The following DDAH1 variants were observed in gnomAD, a reference collection of about 807,000 sequenced individuals.
DDAH1 encodes the protein dimethylarginine dimethylaminohydrolase 1.
In DDAH1, 19 loss-of-function variants were observed where a neutral mutation model predicts 28.8. That is an observed-to-expected ratio of 0.66 (90% CI 0.46 to 0.97). DDAH1 has a LOEUF of 0.97. Among genes scored for constraint, DDAH1 ranks in the 50% least tolerant of loss-of-function variants. DDAH1 has a pLI of 0.00. For synonymous variants in DDAH1, 153 were observed against 154.4 expected, an observed-to-expected ratio of 0.99 and a Z score of 0.07; for missense variants, 326 against 375.9, an observed-to-expected ratio of 0.87 and a Z score of 1.10.
In DDAH1 at chr1:85,319,700, T is replaced by C. The variant is rs1661242446; in HGVS notation, c.*1752A>G. 1 of 152,228 alleles carries C rather than the reference T, an allele frequency of 6.6e-6. No individual in the cohort carries two copies. The highest frequency in any genetic ancestry group is 1.5e-5 in the Non-Finnish European group (1 of 68,036). 9.4% of individuals were successfully genotyped at this position (152,228 alleles called of 1,614,324 possible). On this transcript the variant is annotated 3_prime_UTR_variant, in exon 6 of 6. Coordinates refer to ENST00000284031, the MANE Select transcript of DDAH1 (RefSeq NM_012137.4). Reference sequence around the variant, plus strand: ...ATGACAGTGACCAAGACGTGGTTTATTCACAGGATGCACATAATTGGATAT... The same window carrying C: ...ATGACAGTGACCAAGACGTGGTTTACTCACAGGATGCACATAATTGGATAT...
chr1:85,562,215 C>T (rs917211916), intron 1 of DDAH1, among the ~76,000 whole-genome samples: 2 of 151,668 alleles, frequency 1.3e-5, no homozygotes, highest in African/African-American at 4.8e-5. Context: ...ATGCAACAAT[C>T]TCACTGTATT....
At chr1:85,473,240 A>G (rs1655678356) in intron 2 of DDAH1, among the ~76,000 whole-genome samples, 1 of 152,066 alleles carries the variant, frequency 6.6e-6, no homozygotes, top group African/African-American at 2.4e-5. Flanking sequence ...GTAGAAGGGG[A>G]TTGGGATTGC....
intron 1 of DDAH1, among the ~76,000 whole-genome samples, chr1:85,431,960 A>G (rs1653706333): frequency 3.3e-5 from 5 of 152,220 alleles, no homozygotes; most frequent in South Asian, 4.1e-4. Flanking sequence ...ATACCAAATG[A>G]GTACAATCTA....
intron 2 of DDAH1, among the ~76,000 whole-genome samples, chr1:85,482,122 A>G (rs1481192321): frequency 6.6e-6 from 1 of 152,186 alleles, no homozygotes; most frequent in Non-Finnish European, 1.5e-5. Context: ...ATGTGCATAG[A>G]TTACCTATAA....
chr1:85,413,769 G>A (rs1300745069), intron 1 of DDAH1, among the ~76,000 whole-genome samples: 2 of 152,156 alleles, frequency 1.3e-5, no homozygotes, highest in Non-Finnish European at 2.9e-5. Context: ...GCAGAGTGAG[G>A]ATGAGTAAAG....
At chr1:85,423,529 C>G (rs773586183) in intron 1 of DDAH1, among the ~76,000 whole-genome samples, 39 of 152,034 alleles carry the variant, frequency 2.6e-4, no homozygotes, top group Non-Finnish European at 5.1e-4. Flanking sequence ...CTCCCTCCCT[C>G]CCTTCTTGCT....
intron 1 of DDAH1, among the ~76,000 whole-genome samples, chr1:85,509,940 C>G (rs186540474): frequency 1.2e-3 from 189 of 152,172 alleles, no homozygotes; most frequent in African/African-American, 4.3e-3. Context: ...GGAGAACTTC[C>G]CCAACCTAGC....
chr1:85,338,743 C>G (rs1264444352), intron 4 of DDAH1, among the ~76,000 whole-genome samples: 2 of 151,962 alleles, frequency 1.3e-5, no homozygotes, highest in Admixed American at 6.6e-5. Context: ...TTACACTATT[C>G]AAATTAATAT....
At chr1:85,441,142 G>A (rs1050364642) in intron 1 of DDAH1, among the ~76,000 whole-genome samples, 12 of 152,194 alleles carry the variant, frequency 7.9e-5, no homozygotes, top group African/African-American at 2.7e-4. Flanking sequence ...CGCTCAATAG[G>A]ATAGCAATAC....
At chr1:85,362,030 CTG>C (rs1219981323) in intron 1 of DDAH1, among the ~76,000 whole-genome samples, 1 of 152,126 alleles carries the variant, frequency 6.6e-6, no homozygotes, top group Non-Finnish European at 1.5e-5. Context: ...AAGAAAACAA[CTG>C]TTGTTTTTTC....
At chr1:85,332,361 A>G (rs1647829391) in intron 4 of DDAH1, among the ~76,000 whole-genome samples, 1 of 152,140 alleles carries the variant, frequency 6.6e-6, no homozygotes, top group South Asian at 2.1e-4. Flanking sequence ...AAGGGAGCTG[A>G]AGCATGTGTT....
chr1:85,419,012 C>T (rs577824178), intron 1 of DDAH1, among the ~76,000 whole-genome samples: 31 of 152,254 alleles, frequency 2.0e-4, no homozygotes, highest in African/African-American at 7.2e-4. Context: ...CTGGTTCTGC[C>T]CAACTTTTCC....
intron 1 of DDAH1, among the ~76,000 whole-genome samples, chr1:85,502,967 G>A (rs909725851): frequency 6.6e-6 from 1 of 152,096 alleles, no homozygotes; most frequent in Non-Finnish European, 1.5e-5. Flanking sequence ...ATAGCTACCA[G>A]TCAGTGGATT....
In DDAH1 at chr1:85,477,642, A is replaced by G. The variant is rs1017765960; in HGVS notation, c.-7+18524T>C. Among the ~76,000 whole-genome samples the G allele has an allele frequency of 2.0e-5, 3 of 152,002 alleles. No individual in the cohort carries two copies. The East Asian group carries it at 5.8e-4, about 29-fold the overall frequency. On this transcript the variant is annotated intron_variant, in intron 2 of 6. Transcript: ENST00000426972. Reference sequence around the variant, plus strand: ...CTATACTATATATAGCAGAGATAGTATATGTATATGCATATACTATCTCTA... The same window carrying G: ...CTATACTATATATAGCAGAGATAGTGTATGTATATGCATATACTATCTCTA...
At chr1:85,436,701 G>A (rs1003781015) in intron 1 of DDAH1, among the ~76,000 whole-genome samples, 3 of 152,188 alleles carry the variant, frequency 2.0e-5, no homozygotes, top group Non-Finnish European at 1.5e-5. Flanking sequence ...GGGGTGAGAA[G>A]AGGTGTGAAG....
intron 1 of DDAH1, among the ~76,000 whole-genome samples, chr1:85,532,739 G>A (rs1658133426): frequency 6.6e-6 from 1 of 152,084 alleles, no homozygotes; most frequent in Non-Finnish European, 1.5e-5. Flanking sequence ...TAACTCTGGG[G>A]TTCACAGAGC....
At chr1:85,493,210 T>C (rs1018374537) in intron 2 of DDAH1, among the ~76,000 whole-genome samples, 1 of 152,098 alleles carries the variant, frequency 6.6e-6, no homozygotes, top group African/African-American at 2.4e-5. Flanking sequence ...CCTCTAAAAG[T>C]ATTGTGGGCC....
Position 85,491,043 on chromosome 1 carries a change from A to ACTCTTTTTTTTTTTTTTTT in DDAH1, c.-7+5122_-7+5123insAAAAAAAAAAAAAAAAGAG, listed in dbSNP as rs1557686884. 2.0e-4 allele frequency among the ~76,000 whole-genome samples: 16 copies of ACTCTTTTTTTTTTTTTTTT among 79,340 alleles called. 8 individuals are homozygous for ACTCTTTTTTTTTTTTTTTT. The highest frequency in any genetic ancestry group is 3.3e-4 in the Non-Finnish European group (14 of 42,166). The allele number at this position is 79,340 out of a possible 152,430, so 52.1% of individuals were successfully genotyped here. On this transcript the variant is annotated intron_variant, in intron 2 of 6. Coordinates refer to the DDAH1 transcript ENST00000426972. Reference sequence around the variant, plus strand: ...TCTTCTAATGACAACAGTAACATGTATTCTTTTTTTTTTTTTTTTTTTTGA... The same window carrying ACTCTTTTTTTTTTTTTTTT: ...TCTTCTAATGACAACAGTAACATGTACTCTTTTTTTTTTTTTTTTTTCTTTTTTTTTTTTTTTTTTTTGA...
chr1:85,555,026 A>G (rs1343068732), intron 1 of DDAH1, among the ~76,000 whole-genome samples: 4 of 152,252 alleles, frequency 2.6e-5, no homozygotes, highest in Non-Finnish European at 5.9e-5. Context: ...TTGAAGCTAA[A>G]TTAGAGAAAC....
Sources: gnomAD v4.1 joint callset for allele counts (sites outside exome capture counted in the v4.1 genomes callset) on GRCh38, gnomAD v4.1.1 for gene constraint, MANE v1.5 for transcripts, NCBI Gene and HGNC (gene_info 2026-07-23, HGNC 2026-07-21) for gene names.